Variants in FHIP1A observed in about 807,000 individuals in gnomAD.
FHIP1A encodes FHF complex subunit HOOK interacting protein 1A.
In FHIP1A, 61 loss-of-function variants were observed where a neutral mutation model predicts 88.6. That is an observed-to-expected ratio of 0.69 (90% CI 0.56 to 0.85). The LOEUF is 0.85. Ranked by LOEUF, FHIP1A falls within the 40% of genes least tolerant of loss-of-function variation. The pLI is 0.00. For synonymous variants in FHIP1A, 478 were observed against 496.0 expected (o/e 0.96, Z 0.48); for missense variants, 1,154 against 1,273.5 (o/e 0.91, Z 1.43).
At chr4:151,588,970 T>C (rs1229935840) in intron 7 of FHIP1A, 44 bp downstream of exon 7, 1 of 1,253,168 alleles carries the variant, frequency 8.0e-7, no homozygotes, top group African/African-American at 1.5e-5. Context: ...ATAATACAAG[T>C]GATGGACACT....
intron 3 of FHIP1A, among the ~76,000 whole-genome samples, chr4:151,495,378 T>G (rs949198344): frequency 1.3e-5 from 2 of 151,746 alleles, no homozygotes; most frequent in African/African-American, 4.8e-5. Flanking sequence ...AGCACGCGCC[T>G]GTAGTCCCAG....
chr4:151,551,833 T>C (rs1346752949), intron 3 of FHIP1A, among the ~76,000 whole-genome samples: 8 of 151,972 alleles, frequency 5.3e-5, no homozygotes, highest in Non-Finnish European at 1.2e-4. Context: ...AATTGACAAA[T>C]GGGATCTAAT....
At chr4:151,576,942 T>A (rs749647312) in intron 4 of FHIP1A, 37 of 152,954 alleles carry the variant, frequency 2.4e-4, no homozygotes, top group Middle Eastern at 3.2e-3. Flanking sequence ...TAATGTATTT[T>A]AAAATTAAAA....
chr4:151,482,708 A>T (rs1013433983), intron 3 of FHIP1A, 60 bp downstream of exon 3: 1 of 148,904 alleles, frequency 6.7e-6, no homozygotes, highest in Non-Finnish European at 1.5e-5. Flanking sequence ...ATAATATGTT[A>T]TACTTTTTTT....
At position 151,669,340 on chromosome 4, in the gene FHIP1A, A is replaced by T. The variant is rs1230573603; in HGVS notation, c.*6586A>T. ...AACAAGGGCATCTTCCTCTGGGAATAATCAGTCCTTAATACAGTTTGCACT... is the reference window on the plus strand; with the variant it reads ...AACAAGGGCATCTTCCTCTGGGAATTATCAGTCCTTAATACAGTTTGCACT... On this transcript the variant is annotated 3_prime_UTR_variant, in exon 14 of 14. Transcript: ENST00000435205. Among the ~76,000 whole-genome samples the T allele has an allele frequency of 6.6e-6, 1 of 152,226 alleles. No homozygotes were observed. The highest frequency in any genetic ancestry group is 2.4e-5 in the African/African-American group (1 of 41,458).
chr4:151,596,980 A>G (rs1360686381), intron 7 of FHIP1A, among the ~76,000 whole-genome samples: 1 of 152,006 alleles, frequency 6.6e-6, no homozygotes, highest in Non-Finnish European at 1.5e-5. Flanking sequence ...ATGCTTCTTT[A>G]GCTTGGAGAA....
chr4:151,448,950 G>A (rs1580578059), intron 1 of FHIP1A, among the ~76,000 whole-genome samples: 1 of 152,052 alleles, frequency 6.6e-6, no homozygotes, highest in East Asian at 1.9e-4. Context: ...CAGTTTCTTG[G>A]TTTTTTAGTT....
intron 3 of FHIP1A, among the ~76,000 whole-genome samples, chr4:151,538,384 A>G (rs1732147869): frequency 6.6e-6 from 1 of 152,108 alleles, no homozygotes; most frequent in Non-Finnish European, 1.5e-5. Flanking sequence ...TAACATTTTT[A>G]TTATTTCACC....
intron 7 of FHIP1A, among the ~76,000 whole-genome samples, chr4:151,625,158 G>C (rs1265662945): frequency 1.3e-5 from 2 of 152,156 alleles, no homozygotes; most frequent in Non-Finnish European, 2.9e-5. Flanking sequence ...GTGTGATCCA[G>C]CCTTGTCATT....
intron 3 of FHIP1A, 50 bp downstream of exon 3, chr4:151,482,698 A>G (rs371542150): frequency 1.3e-5 from 2 of 150,832 alleles, no homozygotes; most frequent in South Asian, 4.2e-4. Context: ...GTAATGCTCA[A>G]TAATATGTTA....
intron 7 of FHIP1A, 150 bp from the exon 8 acceptor site, chr4:151,629,552 G>A (rs1736072146): frequency 1.6e-6 from 1 of 606,428 alleles, no homozygotes; most frequent in African/African-American, 1.9e-5. Context: ...ATAGGTTATG[G>A]GCTTCAATAA....
chr4:151,450,575 G>A (rs1387921208), intron 1 of FHIP1A, among the ~76,000 whole-genome samples: 2 of 152,064 alleles, frequency 1.3e-5, no homozygotes, highest in African/African-American at 4.8e-5. Flanking sequence ...TATATATAGG[G>A]TAAATTACTA....
chr4:151,651,159 C>CAA (rs1215743083), intron 11 of FHIP1A, among the ~76,000 whole-genome samples: 1 of 152,050 alleles, frequency 6.6e-6, no homozygotes, highest in Non-Finnish European at 1.5e-5. Flanking sequence ...AATCTTTATC[C>CAA]AAAAATAAGT....
chr4:151,500,435 T>C (rs1730608411), intron 3 of FHIP1A, among the ~76,000 whole-genome samples: 1 of 118,008 alleles, frequency 8.5e-6, no homozygotes, highest in African/African-American at 3.2e-5. Flanking sequence ...GGTCAGCCAT[T>C]CTCAAAAAAA....
At chr4:151,510,443 G>A (rs753089937) in intron 3 of FHIP1A, among the ~76,000 whole-genome samples, 2 of 152,024 alleles carry the variant, frequency 1.3e-5, no homozygotes, top group Admixed American at 6.6e-5. Context: ...TTTTTATTTT[G>A]AAATAATTTT....
chr4:151,501,555 G>T (rs1344738380), intron 3 of FHIP1A, among the ~76,000 whole-genome samples: 4 of 145,870 alleles, frequency 2.7e-5, no homozygotes, highest in African/African-American at 1.0e-4. Flanking sequence ...GATAATCAAA[G>T]AAATTTTTTT....
At position 151,629,880 on chromosome 4, in the gene FHIP1A, C is replaced by T. The variant is rs558645831; in HGVS notation, c.1146+11C>T. 4.8e-5 allele frequency: 74 copies of T among 1,547,832 alleles called. No individual in the cohort carries two copies. Among genetic ancestry groups the T allele is most frequent in the Admixed American group, 1.4e-4 (7 of 50,814 alleles). On this transcript the variant is annotated intron_variant, in intron 8 of 13. Transcript: ENST00000435205. ...AACACCCCGTTTCGGGTAAGGAGAG[C>T]GCCAGAGGAAGGGAACTTACAACTC... is the stretch of plus-strand genomic sequence containing the variant.
At chr4:151,584,368 A>G (rs1734130215) in intron 5 of FHIP1A, among the ~76,000 whole-genome samples, 1 of 152,220 alleles carries the variant, frequency 6.6e-6, no homozygotes, top group Non-Finnish European at 1.5e-5. Context: ...ACAGAGGGAT[A>G]CAGAGAGTGC....
chr4:151,436,072 A>G (rs1728180540), intron 1 of FHIP1A, among the ~76,000 whole-genome samples: 1 of 152,138 alleles, frequency 6.6e-6, no homozygotes, highest in African/African-American at 2.4e-5. Context: ...TTATTCCCCA[A>G]AAAGAAATGC....
Sources: allele counts gnomAD v4.1 joint callset (sites outside exome capture counted in the v4.1 genomes callset), GRCh38; gene constraint gnomAD v4.1.1; transcripts MANE v1.5; gene names NCBI Gene and HGNC (gene_info 2026-07-23, HGNC 2026-07-21).